The following TOP1MT variants were observed in gnomAD, a reference collection of about 807,000 sequenced individuals.
TOP1MT encodes the protein DNA topoisomerase I mitochondrial.
In TOP1MT, 80 loss-of-function variants were observed where a neutral mutation model predicts 73.9. That is an observed-to-expected ratio of 1.08 (90% CI 0.90 to 1.30). TOP1MT has a LOEUF of 1.30. Ranked by LOEUF, TOP1MT falls within the 50% of genes most tolerant of loss-of-function variation. The probability of loss-of-function intolerance (pLI) is 0.00; values close to 1 mark genes in which losing one functional copy is unlikely to be tolerated. For missense variants in TOP1MT, 815 were observed against 808.0 expected (o/e 1.01, Z -0.10); for synonymous variants, 338 against 326.4 (o/e 1.04, Z -0.38).
intron 1 of TOP1MT, chr8:143,332,348 G>C (rs951819173): frequency 1.1e-4 from 60 of 552,782 alleles, no homozygotes; most frequent in Non-Finnish European, 1.6e-4. Flanking sequence ...CACCCAGGAT[G>C]GCCAGTGCAA....
upstream of TOP1MT, chr8:143,359,385 G>A (rs956660898): frequency 8.1e-6 from 8 of 985,384 alleles, no homozygotes; most frequent in Non-Finnish European, 8.4e-6. Context: ...CTGGGGCAAA[G>A]CGCATCCAAA....
At chr8:143,322,709 C>CAT (rs1466393174) in intron 7 of TOP1MT, among the ~76,000 whole-genome samples, 1 of 42,248 alleles carries the variant, frequency 2.4e-5, no homozygotes, top group Non-Finnish European at 4.1e-5. Flanking sequence ...GCACGCCACA[C>CAT]GCACGCCACA....
At position 143,331,329 on chromosome 8, in the gene TOP1MT, C is replaced by T. The variant is rs150542670; in HGVS notation, c.133G>A (p.Glu45Lys). The change falls in exon 2 of 14, where the codon GAG (glutamate) becomes AAG (lysine). Residue 45 changes from glutamate (E) to lysine (K), a missense_variant. Physicochemically the swap from Glu to Lys is moderately conservative, Grantham distance 56. Coordinates refer to ENST00000329245, the MANE Select transcript of TOP1MT (RefSeq NM_052963.3). ...CACTTCACCCCGTCTTCGTGCTTCT[C>T]CTTCTCCCACCTAAAGACGGAGACA... ...QKGSGARWEKEKHEDGVKWRQ... is the reference protein window; with the variant it reads ...QKGSGARWEKKKHEDGVKWRQ... 1.6e-3 allele frequency: 2,617 copies of T among 1,611,566 alleles called. 6 individuals carry two copies. The highest frequency in any genetic ancestry group is 4.5e-3 in the South Asian group (406 of 90,844).
intron 2 of TOP1MT, among the ~76,000 whole-genome samples, chr8:143,340,285 C>A: frequency 8.7e-6 from 1 of 114,746 alleles, no homozygotes; most frequent in African/African-American, 2.8e-5. Context: ...CAGCATTCCC[C>A]CCTCCCAGCA....
At chr8:143,331,070 G>A (rs954919845) in intron 2 of TOP1MT, among the ~76,000 whole-genome samples, 154 bp downstream of exon 2, 46 of 152,218 alleles carry the variant, frequency 3.0e-4, no homozygotes, top group Non-Finnish European at 4.4e-5. Context: ...CAGTTGGTCA[G>A]CAGCCCCCAC....
upstream of TOP1MT, among the ~76,000 whole-genome samples, chr8:143,347,817 CG>C (rs913685763): frequency 2.6e-5 from 4 of 152,050 alleles, no homozygotes; most frequent in African/African-American, 9.7e-5. Flanking sequence ...GTGGGCTGTG[CG>C]GGACCACCGC....
At chr8:143,337,820 T>C (rs1383543861), upstream of TOP1MT, among the ~76,000 whole-genome samples, 1 of 152,188 alleles carries the variant, frequency 6.6e-6, no homozygotes, top group African/African-American at 2.4e-5. Context: ...ACCCCAGGCC[T>C]GGTAGTTAAA....
chr8:143,317,843 G>A lies in TOP1MT; in HGVS notation c.1216-6C>T, dbSNP rs758780114. On this transcript the variant is annotated splice_region_variant and splice_polypyrimidine_tract_variant and intron_variant, in intron 9 of 13. Coordinates refer to ENST00000329245, the MANE Select transcript of TOP1MT (RefSeq NM_052963.3). ...TGCTTGTTCAGGCTGGTCGTCTGGGGAGGAAAATGGTCTCTATAATTACGT... is the reference window on the plus strand; with the variant it reads ...TGCTTGTTCAGGCTGGTCGTCTGGGAAGGAAAATGGTCTCTATAATTACGT... The A allele has an allele frequency of 5.0e-5, 80 of 1,613,756 alleles. No individual in the cohort carries two copies. In the Admixed American group the frequency reaches 1.3e-3, roughly 27 times the overall value.
upstream of TOP1MT, among the ~76,000 whole-genome samples, chr8:143,338,102 C>G (rs2980267): frequency 0.12 from 18,144 of 152,140 alleles, 3,629 homozygotes; most frequent in African/African-American, 0.41. Context: ...CTCTTATTCC[C>G]TAAAACCGGT....
chr8:143,354,177 G>A (rs185722541), intron 1 of TOP1MT, among the ~76,000 whole-genome samples: 14 of 152,034 alleles, frequency 9.2e-5, no homozygotes, highest in Admixed American at 2.0e-4. Flanking sequence ...GCAGACGAAC[G>A]GATCAACGAA....
chr8:143,322,263 A>AGG (rs1171710837), intron 7 of TOP1MT, among the ~76,000 whole-genome samples: 1 of 11,648 alleles, frequency 8.6e-5, no homozygotes, highest in Non-Finnish European at 1.3e-4. Context: ...CGCCACACAC[A>AGG]CACGCCACAC....
upstream of TOP1MT, among the ~76,000 whole-genome samples, chr8:143,358,900 A>C (rs764131035): frequency 3.3e-5 from 5 of 152,240 alleles, no homozygotes; most frequent in Non-Finnish European, 7.3e-5. Context: ...AACCAGGCTC[A>C]CTAGAAAGTT....
chr8:143,343,258 T>C (rs1436473772), exon 2 of TOP1MT: 1 of 456,310 alleles, frequency 2.2e-6, no homozygotes, highest in East Asian at 6.9e-5. Context: ...TGGTGATTAG[T>C]CTTCACTGGC....
chr8:143,349,103 C>G (rs1424416805), upstream of TOP1MT, among the ~76,000 whole-genome samples: 1 of 152,172 alleles, frequency 6.6e-6, no homozygotes, highest in Admixed American at 6.5e-5. Flanking sequence ...CAAAACTACC[C>G]ACCAGAGACC....
chr8:143,314,861 C>T (rs1004244729), intron 12 of TOP1MT, among the ~76,000 whole-genome samples: 16 of 152,142 alleles, frequency 1.1e-4, no homozygotes, highest in African/African-American at 3.4e-4. Context: ...TAATAATCCT[C>T]GCTCTACAAT....
intron 5 of TOP1MT, 115 bp from the exon 6 acceptor site, chr8:143,324,744 C>A: frequency 7.5e-7 from 1 of 1,334,034 alleles, no homozygotes; most frequent in Non-Finnish European, 1.0e-6. Context: ...TGGCATGGCT[C>A]CTGACCGAGT....
intron 2 of TOP1MT, among the ~76,000 whole-genome samples, chr8:143,330,371 G>T (rs920651597): frequency 1.3e-5 from 2 of 152,262 alleles, no homozygotes; most frequent in African/African-American, 2.4e-5. Flanking sequence ...CAGGCCAGGG[G>T]CACAGCGCGA....
chr8:143,327,587 T>C (rs1327865711), intron 3 of TOP1MT: 1 of 197,472 alleles, frequency 5.1e-6, no homozygotes, highest in Non-Finnish European at 1.1e-5. Context: ...TCCGTCCCTG[T>C]GTCTCCCGGG....
intron 7 of TOP1MT, among the ~76,000 whole-genome samples, chr8:143,321,658 A>ACGCACGCACGC (rs1816383034): frequency 1.4e-5 from 1 of 70,652 alleles, no homozygotes; most frequent in Non-Finnish European, 2.8e-5. Flanking sequence ...CAGGCACGCC[A>ACGCACGCACGC]CACACACGCA....
Sources: allele counts gnomAD v4.1 joint callset (sites outside exome capture counted in the v4.1 genomes callset), GRCh38; gene constraint gnomAD v4.1.1; transcripts MANE v1.5; gene names NCBI Gene and HGNC (gene_info 2026-07-23, HGNC 2026-07-21).